SDK1: variants seen among roughly 807,000 people sequenced by gnomAD.
SDK1 encodes the protein sidekick cell adhesion molecule 1, also known as protein sidekick-1.
Under a neutral mutation model 245.5 loss-of-function variants are expected in SDK1, and 157 were observed. That is an observed-to-expected ratio of 0.64 (90% CI 0.56 to 0.73). SDK1 has a LOEUF of 0.73. Ranked by LOEUF, SDK1 falls within the 30% of genes least tolerant of loss-of-function variation. SDK1 has a pLI of 0.00. For missense variants in SDK1, 3,583 were observed against 3,002.3 expected, an observed-to-expected ratio of 1.19 and a Z score of -4.52; for synonymous variants, 1,647 against 1,278.5, an observed-to-expected ratio of 1.29 and a Z score of -6.15.
chr7:3,340,378 AAGTG>A (rs1484445305), intron 1 of SDK1, among the ~76,000 whole-genome samples: 3 of 152,216 alleles, frequency 2.0e-5, no homozygotes, highest in Non-Finnish European at 4.4e-5. Context: ...TGCTGACACA[AAGTG>A]AGCACATGCT....
intron 4 of SDK1, among the ~76,000 whole-genome samples, chr7:3,695,754 A>C (rs1441975841): frequency 6.6e-6 from 1 of 152,196 alleles, no homozygotes; most frequent in Non-Finnish European, 1.5e-5. Context: ...CGGTGACATA[A>C]ATCTTCAGAA....
intron 38 of SDK1, among the ~76,000 whole-genome samples, chr7:4,215,530 C>T (rs542014438): frequency 1.1e-4 from 17 of 152,350 alleles, no homozygotes; most frequent in Non-Finnish European, 2.4e-4. Flanking sequence ...GTGACAGTCA[C>T]GCACGGCCCA....
chr7:3,513,119 A>G (rs1434717861), intron 1 of SDK1, among the ~76,000 whole-genome samples: 1 of 152,178 alleles, frequency 6.6e-6, no homozygotes. Flanking sequence ...TTATATTAAT[A>G]AAAATACTAG....
chr7:4,022,041 A>C lies in SDK1; in HGVS notation c.2602+4689A>C, dbSNP rs554231892. On this transcript the variant is annotated intron_variant, in intron 17 of 44. Transcript: ENST00000404826. ...ATGCTTATTTGCTGCTGGGAGCCCC[A>C]CTTAGGGGCTTGAAGTACCCCCAGC... 9.2e-5 allele frequency among the ~76,000 whole-genome samples: 14 copies of C among 152,324 alleles called. No individual in the cohort carries two copies. The East Asian group carries it at 2.7e-3, about 29-fold the overall frequency.
intron 7 of SDK1, among the ~76,000 whole-genome samples, chr7:3,954,632 C>T (rs1781114507): frequency 1.5e-5 from 2 of 137,786 alleles, no homozygotes; most frequent in Non-Finnish European, 3.1e-5. Context: ...TCCCCTCTGG[C>T]CTCCCCTCTA....
intron 1 of SDK1, among the ~76,000 whole-genome samples, chr7:3,351,148 C>G (rs900419409): frequency 6.6e-6 from 1 of 152,186 alleles, no homozygotes; most frequent in African/African-American, 2.4e-5. Flanking sequence ...TTTTAATGGG[C>G]AGCCTTGTAC....
At chr7:4,261,192 T>C (rs1324104488) in intron 44 of SDK1, among the ~76,000 whole-genome samples, 1 of 152,080 alleles carries the variant, frequency 6.6e-6, no homozygotes, top group Non-Finnish European at 1.5e-5. Context: ...CAGATCCAAG[T>C]CCCTAGGTGC....
intron 1 of SDK1, among the ~76,000 whole-genome samples, chr7:3,361,919 A>G (rs1347982204): frequency 6.6e-6 from 1 of 152,202 alleles, no homozygotes; most frequent in East Asian, 1.9e-4. Flanking sequence ...AGTACTATAT[A>G]TCTAAGAGCA....
chr7:3,903,206 T>C (rs932213981), intron 5 of SDK1, among the ~76,000 whole-genome samples: 7 of 151,514 alleles, frequency 4.6e-5, no homozygotes, highest in Non-Finnish European at 7.4e-5. Context: ...TGCAGTGGTG[T>C]AATCTCGGCT....
chr7:3,305,354 G>C (rs1404872), intron 1 of SDK1, among the ~76,000 whole-genome samples: 1 of 152,048 alleles, frequency 6.6e-6, no homozygotes, highest in African/African-American at 2.4e-5. Context: ...TTTAATCCTC[G>C]TGTTGGTTAA....
chr7:3,939,987 G>T (rs1012904946), intron 5 of SDK1, among the ~76,000 whole-genome samples: 1 of 152,266 alleles, frequency 6.6e-6, no homozygotes, highest in Non-Finnish European at 1.5e-5. Context: ...CTTGAGACGC[G>T]TAGGCAATGT....
At chr7:3,320,157 C>G (rs1286580322) in intron 1 of SDK1, among the ~76,000 whole-genome samples, 1 of 152,074 alleles carries the variant, frequency 6.6e-6, no homozygotes, top group African/African-American at 2.4e-5. Context: ...GCACTCCCCT[C>G]TCATTCTCTC....
chr7:3,334,752 A>G (rs886376133), intron 1 of SDK1, among the ~76,000 whole-genome samples: 2 of 151,958 alleles, frequency 1.3e-5, no homozygotes, highest in Admixed American at 6.6e-5. Context: ...TTTGTGGACA[A>G]TCTCCTTAGT....
At chr7:3,626,659 G>A (rs1782129774) in intron 2 of SDK1, among the ~76,000 whole-genome samples, 3 of 152,286 alleles carry the variant, frequency 2.0e-5, no homozygotes, top group South Asian at 4.1e-4. Flanking sequence ...CCTCTGCTGT[G>A]TGGCACCAGC....
At chr7:3,317,602 G>T (rs891300472) in intron 1 of SDK1, among the ~76,000 whole-genome samples, 5 of 152,006 alleles carry the variant, frequency 3.3e-5, no homozygotes, top group African/African-American at 1.2e-4. Flanking sequence ...TTTAAGTGGC[G>T]TTTTTTCCTT....
intron 2 of SDK1, among the ~76,000 whole-genome samples, chr7:3,627,981 C>T (rs542453673): frequency 5.6e-4 from 85 of 152,136 alleles, no homozygotes; most frequent in African/African-American, 1.7e-3. Context: ...ATTCTCAAGC[C>T]ATTTCTTTCT....
intron 22 of SDK1, among the ~76,000 whole-genome samples, chr7:4,088,801 G>A (rs1781592500): frequency 6.6e-6 from 1 of 152,168 alleles, no homozygotes; most frequent in African/African-American, 2.4e-5. Flanking sequence ...GATTTGGCCT[G>A]GGTTTTAAGA....
chr7:3,945,376 C>A (rs934116661), intron 5 of SDK1, among the ~76,000 whole-genome samples: 1 of 151,996 alleles, frequency 6.6e-6, no homozygotes, highest in Non-Finnish European at 1.5e-5. Flanking sequence ...TGAAGAAAGC[C>A]CTTCCTGTAA....
chr7:4,173,423 G>A (rs934816552), intron 32 of SDK1, among the ~76,000 whole-genome samples: 7 of 152,296 alleles, frequency 4.6e-5, no homozygotes, highest in African/African-American at 1.7e-4. Flanking sequence ...CTTGCGCTGG[G>A]TCTCGAGTGG....
Sources: allele counts gnomAD v4.1 joint callset (sites outside exome capture counted in the v4.1 genomes callset), GRCh38; gene constraint gnomAD v4.1.1; transcripts MANE v1.5; gene names NCBI Gene and HGNC (gene_info 2026-07-23, HGNC 2026-07-21).